APBB2: variants seen among roughly 807,000 people sequenced by gnomAD.
APBB2 encodes Fe65-like 1.
A neutral mutation model predicts 82.5 loss-of-function variants in APBB2; 38 were observed. The observed-to-expected ratio is 0.46, with a 90% CI of 0.36 to 0.60. The LOEUF is 0.60. Ranked by LOEUF, APBB2 falls within the 20% of genes least tolerant of loss-of-function variation. APBB2 has a pLI of 0.00. For synonymous variants in APBB2, 341 were observed against 368.2 expected (o/e 0.93, Z 0.85); for missense variants, 772 against 972.3 (o/e 0.79, Z 2.74).
chr4:40,966,576 C>T (rs1233727252), intron 6 of APBB2, among the ~76,000 whole-genome samples: 3 of 152,218 alleles, frequency 2.0e-5, no homozygotes, highest in Admixed American at 1.3e-4. Context: ...TCAGAAGTGC[C>T]TGTTCCTGCT....
chr4:40,974,701 G>A (rs961631608), intron 6 of APBB2, among the ~76,000 whole-genome samples: 10 of 152,154 alleles, frequency 6.6e-5, no homozygotes, highest in African/African-American at 2.4e-4. Context: ...AATCTAACAT[G>A]ATCAGAGAAT....
At chr4:40,922,190 A>C (rs966871333) in intron 10 of APBB2, among the ~76,000 whole-genome samples, 4 of 152,244 alleles carry the variant, frequency 2.6e-5, no homozygotes, top group African/African-American at 9.6e-5. Flanking sequence ...ACAGAAATCC[A>C]ACTTGCAGTG....
chr4:41,055,891 T>C (rs1406913891), intron 4 of APBB2, among the ~76,000 whole-genome samples: 1 of 152,204 alleles, frequency 6.6e-6, no homozygotes, highest in Non-Finnish European at 1.5e-5. Context: ...AATAACTTAA[T>C]GGTAATAAAT....
intron 12 of APBB2, among the ~76,000 whole-genome samples, chr4:40,876,074 G>T (rs1380565784): frequency 2.6e-5 from 4 of 152,142 alleles, no homozygotes; most frequent in Admixed American, 2.6e-4. Flanking sequence ...TGGTGGCTTG[G>T]TTATCAGGTT....
chr4:40,914,587 CAGAT>C (rs889581086), intron 10 of APBB2, among the ~76,000 whole-genome samples: 5 of 152,044 alleles, frequency 3.3e-5, no homozygotes, highest in Non-Finnish European at 5.9e-5. Context: ...GACAGACAGA[CAGAT>C]AGATAAACAA....
rs1366090989 is a variant in APBB2, at chr4:41,200,990, T to G, written c.-417+13415A>C. On this transcript the variant is annotated intron_variant, in intron 1 of 17. Transcript: ENST00000508593. The stretch of plus-strand genomic sequence containing the variant: ...GCTGCATGCTCTCAAACAACCTTAG[T>G]GTGCCTCACCTTCCCCATCTGTATT... Among the ~76,000 whole-genome samples, 7 of 152,322 alleles carry G rather than the reference T, an allele frequency of 4.6e-5. No individual in the cohort carries two copies. The East Asian group carries it at 1.3e-3, about 29-fold the overall frequency.
intron 1 of APBB2, among the ~76,000 whole-genome samples, chr4:41,196,291 C>T: frequency 1.3e-5 from 2 of 152,164 alleles, no homozygotes; most frequent in Non-Finnish European, 2.9e-5. Flanking sequence ...GTCTATAGTC[C>T]TGACACTGGG....
intron 5 of APBB2, 186 bp from the exon 6 acceptor site, chr4:41,014,584 G>A (rs551053343): frequency 7.2e-5 from 45 of 625,822 alleles, no homozygotes; most frequent in African/African-American, 6.2e-4. Flanking sequence ...AGCAAATAAA[G>A]GGCTTAACGT....
chr4:40,857,148 C>G (rs751479146), intron 12 of APBB2: 3 of 985,414 alleles, frequency 3.0e-6, no homozygotes, highest in Non-Finnish European at 2.4e-6. Flanking sequence ...CTGCCCCGGG[C>G]TCAAGTTGAA....
chr4:41,091,244 C>T (rs900574855), intron 3 of APBB2, among the ~76,000 whole-genome samples: 3 of 152,112 alleles, frequency 2.0e-5, no homozygotes, highest in Admixed American at 1.3e-4. Context: ...ATAGTCCTTG[C>T]GAGGTAATTG....
At chr4:40,900,843 A>G (rs1775078211) in intron 10 of APBB2, among the ~76,000 whole-genome samples, 1 of 151,690 alleles carries the variant, frequency 6.6e-6, no homozygotes, top group Non-Finnish European at 1.5e-5. Flanking sequence ...GGACAGATTA[A>G]TTCATTCATT....
At chr4:40,985,179 G>T (rs1284627978) in intron 6 of APBB2, among the ~76,000 whole-genome samples, 2 of 151,854 alleles carry the variant, frequency 1.3e-5, no homozygotes. Context: ...CCTCCAACGT[G>T]TTGGGATTAC....
intron 10 of APBB2, among the ~76,000 whole-genome samples, chr4:40,907,044 A>G (rs942334997): frequency 2.0e-5 from 3 of 152,186 alleles, no homozygotes; most frequent in African/African-American, 4.8e-5. Flanking sequence ...AGATAGACAT[A>G]CATGCAAAGG....
intron 3 of APBB2, among the ~76,000 whole-genome samples, chr4:41,073,350 T>C (rs75214434): frequency 0.021 from 3,264 of 152,354 alleles, 71 homozygotes; most frequent in African/African-American, 0.05. Flanking sequence ...CTCCCATTTT[T>C]CTTTATAGCA....
At chr4:40,865,385 C>G (rs1003330040) in intron 12 of APBB2, among the ~76,000 whole-genome samples, 1 of 152,158 alleles carries the variant, frequency 6.6e-6, no homozygotes, top group Non-Finnish European at 1.5e-5. Context: ...AAACCCATGG[C>G]TGGGAAGGTA....
At chr4:40,991,010 C>CTTTTTTTTT (rs1491223078) in intron 6 of APBB2, among the ~76,000 whole-genome samples, 3,963 of 127,534 alleles carry the variant, frequency 0.031, 196 homozygotes, top group African/African-American at 0.051. Flanking sequence ...GACTGAGTTT[C>CTTTTTTTTT]ATTTTTTTTT....
At chr4:41,063,036 A>G (rs1392814692) in intron 4 of APBB2, among the ~76,000 whole-genome samples, 2 of 152,250 alleles carry the variant, frequency 1.3e-5, no homozygotes, top group Non-Finnish European at 2.9e-5. Context: ...CCACTCCAAG[A>G]GCCCAAATGT....
chr4:41,057,487 G>C (rs2153869891), intron 4 of APBB2, among the ~76,000 whole-genome samples: 1 of 152,308 alleles, frequency 6.6e-6, no homozygotes, highest in South Asian at 2.1e-4. Flanking sequence ...AATAGTATAT[G>C]TTGCTGTTTT....
chr4:41,047,963 T>C (rs1189765942), intron 4 of APBB2, among the ~76,000 whole-genome samples: 1 of 152,254 alleles, frequency 6.6e-6, no homozygotes, highest in African/African-American at 2.4e-5. Context: ...TCTAAATCTC[T>C]TTTAAGTTTT....
Sources: gnomAD v4.1 joint callset for allele counts (sites outside exome capture counted in the v4.1 genomes callset) on GRCh38, gnomAD v4.1.1 for gene constraint, MANE v1.5 for transcripts, NCBI Gene and HGNC (gene_info 2026-07-23, HGNC 2026-07-21) for gene names.